Variants in ABI3BP observed in about 807,000 individuals in gnomAD.
The protein encoded by ABI3BP is target of Nesh-SH3.
ABI3BP carries 216 observed loss-of-function variants against 268.6 expected under a neutral mutation model. The observed-to-expected ratio is 0.80, with a 90% CI of 0.72 to 0.90. The LOEUF is 0.90. ABI3BP is among the 40% of genes least tolerant of loss of function. The probability of loss-of-function intolerance (pLI) is 0.00; values close to 1 mark genes in which losing one functional copy is unlikely to be tolerated. For synonymous variants in ABI3BP, 730 were observed against 730.0 expected (o/e 1.00, Z 0.00); for missense variants, 2,090 against 2,182.4 (o/e 0.96, Z 0.84).
At chr3:100,776,019 A>G (rs1301550817) in intron 59 of ABI3BP, among the ~76,000 whole-genome samples, 1 of 152,204 alleles carries the variant, frequency 6.6e-6, no homozygotes, top group Non-Finnish European at 1.5e-5. Context: ...GTTAATGTCC[A>G]TGATTCTGGC....
intron 57 of ABI3BP, among the ~76,000 whole-genome samples, chr3:100,782,131 T>C (rs978882390): frequency 1.3e-5 from 2 of 152,214 alleles, no homozygotes; most frequent in Non-Finnish European, 2.9e-5. Flanking sequence ...GAGGGCTAAA[T>C]GGCCATAGCT....
chr3:100,810,761 A>G (rs1470077266), intron 48 of ABI3BP, among the ~76,000 whole-genome samples: 2 of 152,160 alleles, frequency 1.3e-5, no homozygotes, highest in African/African-American at 4.8e-5. Context: ...GGAAAAAGGA[A>G]TTTTAAAAAT....
chr3:100,775,619 C>T (rs1005463962), intron 59 of ABI3BP, among the ~76,000 whole-genome samples: 1 of 151,870 alleles, frequency 6.6e-6, no homozygotes, highest in Non-Finnish European at 1.5e-5. Context: ...GGAGGGTTGT[C>T]GGTTTGGAGT....
chr3:100,770,914 G>A lies in ABI3BP; in HGVS notation c.4570C>T (p.Pro1524Ser), dbSNP rs776380300. Residue 1524 changes from proline to serine, a missense_variant, in exon 62 of 68, where the codon CCC (proline) becomes TCC (serine). Transcript: ENST00000471714. Reference sequence around the variant, plus strand: ...TTGACAGAGTCAGTAATGGAGCAGGGACTGTTGTCAGGCTTTTGGATGTAT... The same window carrying A: ...TTGACAGAGTCAGTAATGGAGCAGGAACTGTTGTCAGGCTTTTGGATGTAT... ...VRYIQKPDNS[P>S]CSITDSVKRF... 1.9e-6 allele frequency: 3 copies of A among 1,597,986 alleles called. No homozygotes were observed. Among genetic ancestry groups the A allele is most frequent in the Non-Finnish European group, 2.6e-6 (3 of 1,172,228 alleles).
chr3:100,830,106 CATACAT>C (rs1406074105), intron 32 of ABI3BP, among the ~76,000 whole-genome samples: 91 of 76,986 alleles, frequency 1.2e-3, no homozygotes, highest in African/African-American at 3.7e-3. Context: ...TACATACATA[CATACAT>C]ATATATATAT....
intron 20 of ABI3BP, 47 bp from the exon 21 acceptor site, chr3:100,842,086 TCTG>T (rs2098713282): frequency 7.0e-7 from 1 of 1,436,160 alleles, no homozygotes; most frequent in African/African-American, 1.4e-5. Context: ...AAGAGCACCA[TCTG>T]AGATAGAAGT....
chr3:100,939,540 CA>C (rs1254609019), intron 1 of ABI3BP, among the ~76,000 whole-genome samples: 6 of 151,948 alleles, frequency 3.9e-5, no homozygotes, highest in Non-Finnish European at 4.4e-5. Context: ...CCACAAAGAC[CA>C]GCAAGTTTTT....
chr3:100,876,615 C>T (rs1408058488), intron 6 of ABI3BP, 55 bp from the exon 7 acceptor site: 44 of 1,512,936 alleles, frequency 2.9e-5, no homozygotes, highest in Non-Finnish European at 2.5e-5. Flanking sequence ...ACTTTCTGTT[C>T]TTTAAAACGT....
chr3:100,817,299 G>C (rs889465194), intron 42 of ABI3BP, 137 bp downstream of exon 42: 3 of 593,056 alleles, frequency 5.1e-6, no homozygotes, highest in African/African-American at 3.7e-5. Flanking sequence ...TAAAGTTGAA[G>C]GACAATATAA....
rs1212624621 is a variant in ABI3BP at position 100,752,818 on chromosome 3, T to G, written c.5091A>C (p.Arg1697Ser). 1 of 1,613,312 alleles carries G rather than the reference T, an allele frequency of 6.2e-7. No homozygotes were observed. Among genetic ancestry groups the G allele is most frequent in the East Asian group, 2.2e-5 (1 of 44,878 alleles). Residue 1697 changes from arginine to serine, a missense_variant, in exon 66 of 68, where the codon AGA becomes AGC. By Grantham distance (110) the Arg-to-Ser change is moderately radical (BLOSUM62 -1). Coordinates refer to ENST00000471714, the MANE Select transcript of ABI3BP (RefSeq NM_001375547.2). ...GGGAGTCGCTCAAGTAAATCTTGTA[T>G]CTGAGAGAGTTGCACAGCTGCACTC... is the stretch of plus-strand genomic sequence containing the variant. ...FVGVQLCNSLRYKIYLSDSLT... is the reference protein window; with the variant it reads ...FVGVQLCNSLSYKIYLSDSLT...
intron 6 of ABI3BP, among the ~76,000 whole-genome samples, chr3:100,877,506 A>G (rs1336742817): frequency 6.6e-6 from 1 of 152,142 alleles, no homozygotes; most frequent in Non-Finnish European, 1.5e-5. Flanking sequence ...TCCTCACCCA[A>G]ATTACCTCAG....
intron 14 of ABI3BP, among the ~76,000 whole-genome samples, chr3:100,854,476 C>T (rs1339167318): frequency 6.6e-6 from 1 of 152,170 alleles, no homozygotes; most frequent in Non-Finnish European, 1.5e-5. Context: ...TATATACATG[C>T]CTATACCTGA....
intron 2 of ABI3BP, among the ~76,000 whole-genome samples, chr3:100,924,305 A>AC (rs2061169658): frequency 6.6e-6 from 1 of 152,198 alleles, no homozygotes; most frequent in African/African-American, 2.4e-5. Context: ...ACACAAACCA[A>AC]CCCTGAAAAG....
chr3:100,970,696 C>T (rs1049158845), intron 1 of ABI3BP, among the ~76,000 whole-genome samples: 2 of 152,164 alleles, frequency 1.3e-5, no homozygotes, highest in Admixed American at 1.3e-4. Context: ...ATTTCCTCCT[C>T]GCAGGGTAGT....
chr3:100,779,397 G>A (rs925919336), intron 58 of ABI3BP, among the ~76,000 whole-genome samples: 3 of 152,178 alleles, frequency 2.0e-5, no homozygotes, highest in Non-Finnish European at 4.4e-5. Context: ...CTGCCTAAAG[G>A]GTGGGGTAAA....
In ABI3BP at chr3:100,886,324, C is replaced by A; in HGVS notation, c.462-1G>T. On this transcript the variant is annotated splice_acceptor_variant, in intron 4 of 67. Transcript: ENST00000471714. LOFTEE classifies it high-confidence loss of function. Reference sequence around the variant, plus strand: ...TTCTCGATAGCGAATTGTATAAAATCTGTTGAATAACCAGAATATAATGCT... The same window carrying A: ...TTCTCGATAGCGAATTGTATAAAATATGTTGAATAACCAGAATATAATGCT... The A allele has an allele frequency of 6.3e-7, 1 of 1,576,654 alleles. No homozygotes were observed. The highest frequency in any genetic ancestry group is 1.2e-5 in the South Asian group (1 of 85,586).
At chr3:100,948,344 T>C (rs911667381) in intron 1 of ABI3BP, among the ~76,000 whole-genome samples, 1 of 152,142 alleles carries the variant, frequency 6.6e-6, no homozygotes, top group Admixed American at 6.5e-5. Flanking sequence ...CAGAACAAGA[T>C]TTGATTTCAG....
intron 33 of ABI3BP, among the ~76,000 whole-genome samples, chr3:100,829,284 C>T (rs953462860): frequency 2.6e-5 from 4 of 152,116 alleles, no homozygotes; most frequent in Non-Finnish European, 5.9e-5. Flanking sequence ...TTACGTGACT[C>T]CTATAGTTAA....
intron 58 of ABI3BP, among the ~76,000 whole-genome samples, chr3:100,779,771 C>CA (rs58156555): frequency 0.017 from 2,482 of 149,106 alleles, 45 homozygotes; most frequent in African/African-American, 0.045. Context: ...TAATATCAGG[C>CA]AAAAAAAAAT....
Sources: allele counts gnomAD v4.1 joint callset (sites outside exome capture counted in the v4.1 genomes callset), GRCh38; gene constraint gnomAD v4.1.1; transcripts MANE v1.5; gene names NCBI Gene and HGNC (gene_info 2026-07-23, HGNC 2026-07-21).